Variants in PDHX observed in about 807,000 individuals in gnomAD.
PDHX encodes the protein pyruvate dehydrogenase protein X component, mitochondrial.
Under a neutral mutation model 55.3 loss-of-function variants are expected in PDHX, and 33 were observed. That is an observed-to-expected ratio of 0.60 (90% CI 0.45 to 0.80). PDHX has a LOEUF of 0.80. Ranked by LOEUF, PDHX falls within the 30% of genes least tolerant of loss-of-function variation. The pLI, the probability that PDHX is intolerant of heterozygous loss-of-function variation, is 0.00. For synonymous variants in PDHX, 226 were observed against 219.4 expected, an observed-to-expected ratio of 1.03 and a Z score of -0.27; for missense variants, 622 against 619.9, an observed-to-expected ratio of 1.00 and a Z score of -0.04.
intron 3 of PDHX, among the ~76,000 whole-genome samples, chr11:34,950,532 C>A (rs987467663): frequency 1.3e-5 from 2 of 149,380 alleles, no homozygotes; most frequent in African/African-American, 4.9e-5. Flanking sequence ...CCCTTCCCCC[C>A]ACCCCACAAC....
intron 3 of PDHX, among the ~76,000 whole-genome samples, chr11:34,951,468 G>A: frequency 6.6e-6 from 1 of 152,180 alleles, no homozygotes; most frequent in Admixed American, 6.5e-5. Flanking sequence ...ATTTTTTCAT[G>A]TGTCTTTTGG....
At chr11:34,930,748 G>C (rs746559477) in intron 1 of PDHX, among the ~76,000 whole-genome samples, 1 of 152,206 alleles carries the variant, frequency 6.6e-6, no homozygotes, top group Non-Finnish European at 1.5e-5. Flanking sequence ...GATCATTCTG[G>C]TTTGAGGTCT....
At chr11:34,977,065 G>C (rs1324551838) in intron 7 of PDHX, among the ~76,000 whole-genome samples, 2 of 152,172 alleles carry the variant, frequency 1.3e-5, no homozygotes, top group Non-Finnish European at 2.9e-5. Flanking sequence ...TTCTGAATTA[G>C]AGGAGCTTTG....
At chr11:34,987,644 T>G (rs1396519794) in intron 9 of PDHX, among the ~76,000 whole-genome samples, 1 of 152,024 alleles carries the variant, frequency 6.6e-6, no homozygotes, top group Non-Finnish European at 1.5e-5. Flanking sequence ...CTAAATATTT[T>G]AGATAGGCTC....
intron 4 of PDHX, among the ~76,000 whole-genome samples, chr11:34,960,097 A>G (rs1044208060): frequency 2.0e-5 from 3 of 152,228 alleles, no homozygotes; most frequent in Non-Finnish European, 4.4e-5. Context: ...ATGATAGAAC[A>G]AAATATACGA....
intron 4 of PDHX, among the ~76,000 whole-genome samples, chr11:34,958,013 A>G (rs186678082): frequency 4.3e-4 from 65 of 152,290 alleles, no homozygotes; most frequent in African/African-American, 1.5e-3. Flanking sequence ...TTCGTTTTCA[A>G]ACTAGTCTGC....
chr11:34,965,810 T>A (rs511776), intron 5 of PDHX, among the ~76,000 whole-genome samples: 1 of 152,052 alleles, frequency 6.6e-6, no homozygotes, highest in African/African-American at 2.4e-5. Context: ...TTTTGTGTCA[T>A]CCTGAAGTTC....
upstream of PDHX, chr11:34,916,181 G>C: frequency 6.3e-7 from 1 of 1,588,410 alleles, no homozygotes; most frequent in Admixed American, 1.7e-5. Flanking sequence ...GGTCCCGCCT[G>C]GGCCTCTCCT....
intron 5 of PDHX, among the ~76,000 whole-genome samples, 183 bp downstream of exon 5, chr11:34,960,701 AATT>A (rs1855005997): frequency 6.6e-6 from 1 of 152,236 alleles, no homozygotes; most frequent in Admixed American, 6.5e-5. Context: ...TTTTCTGAAT[AATT>A]ATAGCATTAC....
rs949042252 is a variant in PDHX at position 34,969,779 on chromosome 11, GTA to G, written c.817-358_817-357del. ...ATATATTGCTCCTTGTGTGTGTGTG[GTA>G]TGTGTGTGTGTACGTATATATACAC... On this transcript the variant is annotated intron_variant, in intron 6 of 10. Transcript: ENST00000227868. Among the ~76,000 whole-genome samples, 6 of 151,982 alleles carry G rather than the reference GTA, an allele frequency of 3.9e-5. No individual in the cohort carries two copies. In the South Asian group the frequency reaches 6.3e-4, roughly 16 times the overall value.
intron 8 of PDHX, among the ~76,000 whole-genome samples, chr11:34,982,398 A>G (rs1855536420): frequency 6.6e-6 from 1 of 152,210 alleles, no homozygotes; most frequent in Non-Finnish European, 1.5e-5. Context: ...AAAAGCTAGC[A>G]GAAGGCAAGA....
chr11:34,924,761 T>C (rs1013727845), intron 1 of PDHX, among the ~76,000 whole-genome samples: 1 of 152,158 alleles, frequency 6.6e-6, no homozygotes, highest in Admixed American at 6.5e-5. Flanking sequence ...GTTTAAATAG[T>C]ACTGAAAGGC....
At chr11:34,930,814 A>G (rs1177759791) in intron 1 of PDHX, among the ~76,000 whole-genome samples, 1 of 152,218 alleles carries the variant, frequency 6.6e-6, no homozygotes, top group Non-Finnish European at 1.5e-5. Flanking sequence ...AGGTTAATTT[A>G]ACCATTTAAA....
intron 2 of PDHX, among the ~76,000 whole-genome samples, chr11:34,943,123 A>T (rs1854528889): frequency 6.6e-6 from 1 of 152,210 alleles, no homozygotes; most frequent in Admixed American, 6.5e-5. Flanking sequence ...AACCTGAGGA[A>T]TGGGGATGGG....
chr11:34,966,075 A>G (rs183034331), intron 5 of PDHX, among the ~76,000 whole-genome samples: 147 of 152,302 alleles, frequency 9.7e-4, no homozygotes, highest in African/African-American at 3.4e-3. Context: ...ATTCTAAAAG[A>G]TATCATAGGT....
At chr11:34,961,670 A>G (rs1283161318) in intron 5 of PDHX, among the ~76,000 whole-genome samples, 1 of 152,170 alleles carries the variant, frequency 6.6e-6, no homozygotes, top group Non-Finnish European at 1.5e-5. Flanking sequence ...TTTTATTGAA[A>G]GCAGTATATA....
intron 2 of PDHX, among the ~76,000 whole-genome samples, chr11:34,931,843 T>G (rs1317552962): frequency 7.1e-6 from 1 of 140,642 alleles, no homozygotes; most frequent in Non-Finnish European, 1.5e-5. Flanking sequence ...TGTGTGTGTG[T>G]GTGTGTGTTC....
intron 9 of PDHX, among the ~76,000 whole-genome samples, chr11:34,986,444 T>C (rs1036159318): frequency 2.0e-5 from 3 of 152,146 alleles, no homozygotes; most frequent in Non-Finnish European, 2.9e-5. Flanking sequence ...AATATTTGTG[T>C]CTGTGTTTTT....
intron 3 of PDHX, among the ~76,000 whole-genome samples, chr11:34,953,739 C>G (rs1854837509): frequency 6.6e-6 from 1 of 152,168 alleles, no homozygotes; most frequent in Non-Finnish European, 1.5e-5. Context: ...CATTTAAATC[C>G]TGCCTCTGCT....
Sources: allele counts gnomAD v4.1 joint callset (sites outside exome capture counted in the v4.1 genomes callset), GRCh38; gene constraint gnomAD v4.1.1; transcripts MANE v1.5; gene names NCBI Gene and HGNC (gene_info 2026-07-23, HGNC 2026-07-21).